TYRP1: variants seen among roughly 807,000 people sequenced by gnomAD.
TYRP1 encodes the protein tyrosinase related protein 1.
Under a neutral mutation model 42.8 loss-of-function variants are expected in TYRP1, and 49 were observed. The ratio of observed to expected loss-of-function variants is 1.14; its 90% CI spans 0.91 to 1.45. The LOEUF is 1.45. Among genes scored for constraint, TYRP1 ranks in the 40% most tolerant of loss-of-function variants. TYRP1 has a pLI of 0.00. For synonymous variants in TYRP1, 279 were observed against 235.4 expected (o/e 1.19, Z -1.69); for missense variants, 848 against 662.0 (o/e 1.28, Z -3.08).
At chr9:12,698,704 A>C (rs1398131439) in intron 4 of TYRP1, 49 bp downstream of exon 4, 10 of 1,559,434 alleles carry the variant, frequency 6.4e-6, no homozygotes, top group Non-Finnish European at 7.9e-6. Context: ...TTAGATAAAG[A>C]GATTAAATAT....
chr9:12,697,812 T>G (rs1818101449), intron 3 of TYRP1, among the ~76,000 whole-genome samples: 2 of 152,142 alleles, frequency 1.3e-5, no homozygotes, highest in African/African-American at 2.4e-5. Context: ...CTGCTTCTGT[T>G]TAGCATTTTT....
intron 2 of TYRP1, among the ~76,000 whole-genome samples, chr9:12,695,224 G>A (rs375549951): frequency 3.3e-5 from 5 of 152,080 alleles, no homozygotes; most frequent in African/African-American, 1.2e-4. Flanking sequence ...TGCCAACAGT[G>A]GGCAGAAATC....
At chr9:12,695,898 G>C in intron 3 of TYRP1, 61 bp downstream of exon 3, 1 of 1,546,376 alleles carries the variant, frequency 6.5e-7, no homozygotes, top group Non-Finnish European at 8.9e-7. Context: ...GTTTGTAAGT[G>C]ATTTTAATTC....
chr9:12,695,969 C>A (rs930760208), intron 3 of TYRP1, 132 bp downstream of exon 3: 9 of 911,372 alleles, frequency 9.9e-6, no homozygotes, highest in Non-Finnish European at 1.5e-5. Flanking sequence ...ACTAACCTGT[C>A]TTTGGCATTT....
intron 7 of TYRP1, among the ~76,000 whole-genome samples, chr9:12,708,658 T>A (rs915371101): frequency 1.3e-5 from 2 of 151,978 alleles, no homozygotes; most frequent in African/African-American, 4.8e-5. Context: ...AGTGGAAAAG[T>A]ACAAGACTTA....
chr9:12,704,943 C>A (rs535884196), intron 6 of TYRP1, among the ~76,000 whole-genome samples: 1 of 152,090 alleles, frequency 6.6e-6, no homozygotes, highest in African/African-American at 2.4e-5. Flanking sequence ...CTAACCAAAT[C>A]ATCTCTCCTA....
Position 12,702,307 on chromosome 9 carries a change from G to A in TYRP1, c.950G>A (p.Gly317Glu), listed in dbSNP as rs1021100595. ...EDGPIRRNPA[G>E]NVARPMVQRL... ...GGGCCAATTAGGAGAAATCCAGCTGGAAATGTGGCCAGACCAATGGTGCAA... is the reference window on the plus strand; with the variant it reads ...GGGCCAATTAGGAGAAATCCAGCTGAAAATGTGGCCAGACCAATGGTGCAA... Residue 317 changes from glycine to glutamate, a missense_variant, in exon 5 of 8, where the codon GGA (glycine) becomes GAA (glutamate). Transcript: ENST00000388918. 6.2e-7 allele frequency: 1 copy of A among 1,613,030 alleles called. No homozygotes were observed. Among genetic ancestry groups the A allele is most frequent in the Non-Finnish European group, 8.5e-7 (1 of 1,179,480 alleles).
Position 12,694,226 on chromosome 9 carries a change from C to A in TYRP1, c.230C>A (p.Pro77His), listed in dbSNP as rs1374223342. Residue 77 changes from proline (P) to histidine (H), a missense_variant, in exon 2 of 8, where the codon CCT becomes CAT. Transcript: ENST00000388918. The stretch of plus-strand genomic sequence containing the variant: ...ACTGCAGACTCCCGGCCCCACAGCC[C>A]TCAGTATCCCCATGATGGCAGAGAT... The part of the protein sequence containing the change: ...AVTADSRPHS[P>H]QYPHDGRDDR... 1 of 1,613,804 alleles carries A rather than the reference C, an allele frequency of 6.2e-7. No individual in the cohort carries two copies. The highest frequency in any genetic ancestry group is 8.5e-7 in the Non-Finnish European group (1 of 1,179,916).
chr9:12,701,148 C>G (rs1020221317), intron 4 of TYRP1, among the ~76,000 whole-genome samples: 8 of 151,902 alleles, frequency 5.3e-5, no homozygotes, highest in African/African-American at 1.7e-4. Context: ...CTCCTCCCAC[C>G]CATCTAAGGT....
intron 3 of TYRP1, among the ~76,000 whole-genome samples, chr9:12,697,799 A>ACTC (rs1316227912): frequency 2.0e-5 from 3 of 152,154 alleles, no homozygotes; most frequent in Non-Finnish European, 4.4e-5. Context: ...AGAAAGATTT[A>ACTC]CTCTGCTTCT....
At chr9:12,698,321 GTTGATA>G (rs1420095280) in intron 3 of TYRP1, 124 bp from the exon 4 acceptor site, 1 of 900,170 alleles carries the variant, frequency 1.1e-6, no homozygotes, top group African/African-American at 1.7e-5. Flanking sequence ...CTCAGACACC[GTTGATA>G]TACTAACCAG....
chr9:12,707,915 A>G, intron 6 of TYRP1, 82 bp from the exon 7 acceptor site: 1 of 1,377,652 alleles, frequency 7.3e-7, no homozygotes, highest in Non-Finnish European at 9.9e-7. Context: ...CTCCTTGAAT[A>G]TTGGATGCCT....
intron 7 of TYRP1, 45 bp downstream of exon 7, chr9:12,708,188 A>AAAT: frequency 1.2e-6 from 2 of 1,606,080 alleles, no homozygotes; most frequent in Non-Finnish European, 1.7e-6. Context: ...TTCCAAAAGC[A>AAAT]AATGTGTTAT....
At chr9:12,707,588 G>C (rs1186847103) in intron 6 of TYRP1, 1 of 182,692 alleles carries the variant, frequency 5.5e-6, no homozygotes. Context: ...AGAGTGGTGA[G>C]AGATAGTAAG....
intron 5 of TYRP1, 42 bp from the exon 6 acceptor site, chr9:12,704,484 T>C: frequency 6.3e-7 from 1 of 1,589,906 alleles, no homozygotes; most frequent in Non-Finnish European, 8.6e-7. Flanking sequence ...AAGTGAAATA[T>C]TTGCAATAGT....
At chr9:12,707,140 T>G (rs952284209) in intron 6 of TYRP1, among the ~76,000 whole-genome samples, 64 of 152,172 alleles carry the variant, frequency 4.2e-4, no homozygotes, top group African/African-American at 1.5e-3. Flanking sequence ...CTGAGAATTA[T>G]ATGAATTAAG....
rs750485757 is a variant in TYRP1 at position 12,704,529 on chromosome 9, AC to A, written c.1086del (p.Tyr362Ter). On this transcript the variant is annotated frameshift_variant, in exon 6 of 8. Transcript: ENST00000388918. LOFTEE classifies it high-confidence loss of function. ...TNSFRNTVEGYSDPTGKYDPA... is the reference protein window; with the variant it reads ...TNSFRNTVEGXSDPTGKYDPA... ...CTCCTCCTTACCATGTGTCTAGGTT[AC>A]AGTGACCCCACGGGAAAGTATGACC... is the stretch of plus-strand genomic sequence containing the variant. 1 of 1,611,772 alleles carries A rather than the reference AC, an allele frequency of 6.2e-7. No individual in the cohort carries two copies. The highest frequency in any genetic ancestry group is 1.1e-5 in the South Asian group (1 of 91,056).
chr9:12,702,374 T>A lies in TYRP1; in HGVS notation c.1017T>A (p.Val339=), dbSNP rs1818185058. The stretch of plus-strand genomic sequence containing the variant: ...AGGATGTCGCTCAGTGCTTGGAAGT[T>A]GGTTTATTTGACACGCCTCCTTTTT... ...EPQDVAQCLE[V]GLFDTPPFYS... Residue 339 remains valine, a synonymous_variant, in exon 5 of 8, where the codon GTT becomes GTA. Coordinates refer to ENST00000388918, the MANE Select transcript of TYRP1 (RefSeq NM_000550.3). The A allele has an allele frequency of 6.2e-7, 1 of 1,613,002 alleles. No individual in the cohort carries two copies. Among genetic ancestry groups the A allele is most frequent in the African/African-American group, 1.3e-5 (1 of 74,864 alleles).
At position 12,694,316 on chromosome 9, in the gene TYRP1, G is replaced by A. The variant is rs1818042342; in HGVS notation, c.320G>A (p.Gly107Glu). ...RTCHCNGNFS[G>E]HNCGTCRPGW... Reference sequence around the variant, plus strand: ...TGTCACTGCAACGGCAATTTCTCAGGACACAACTGTGGGACGTGCCGTCCT... The same window carrying A: ...TGTCACTGCAACGGCAATTTCTCAGAACACAACTGTGGGACGTGCCGTCCT... The change falls in exon 2 of 8, where the codon GGA becomes GAA. Residue 107 changes from glycine to glutamate, a missense_variant. Gly to Glu is a moderately conservative substitution (Grantham distance 98). Coordinates refer to ENST00000388918, the MANE Select transcript of TYRP1 (RefSeq NM_000550.3). The A allele has an allele frequency of 6.2e-7, 1 of 1,614,038 alleles. No homozygotes were observed. The highest frequency in any genetic ancestry group is 1.1e-5 in the South Asian group (1 of 91,050).
Sources: gnomAD v4.1 joint callset for allele counts (sites outside exome capture counted in the v4.1 genomes callset) on GRCh38, gnomAD v4.1.1 for gene constraint, MANE v1.5 for transcripts, NCBI Gene and HGNC (gene_info 2026-07-23, HGNC 2026-07-21) for gene names.